CAB39: variants seen among roughly 807,000 people sequenced by gnomAD.
CAB39 encodes the protein calcium binding protein 39, also known as calcium-binding protein 39.
A neutral mutation model predicts 40.0 loss-of-function variants in CAB39; 8 were observed. The observed-to-expected ratio is 0.20, with a 90% CI of 0.12 to 0.36. CAB39 has a LOEUF of 0.36. Among genes scored for constraint, CAB39 ranks in the 10% least tolerant of loss-of-function variants. The pLI is 1.00. For missense variants in CAB39, 270 were observed against 401.1 expected (o/e 0.67, Z 2.79); for synonymous variants, 156 against 141.6 (o/e 1.10, Z -0.72).
chr2:230,735,083 CTTG>C (rs1043605072), intron 1 of CAB39, among the ~76,000 whole-genome samples: 20 of 152,238 alleles, frequency 1.3e-4, no homozygotes, highest in Admixed American at 5.2e-4. Context: ...CCCTTGAATT[CTTG>C]TTGTTTTCCT....
At chr2:230,808,886 T>C (rs1027193864) in intron 5 of CAB39, among the ~76,000 whole-genome samples, 7 of 152,250 alleles carry the variant, frequency 4.6e-5, no homozygotes, top group Non-Finnish European at 1.0e-4. Flanking sequence ...TTATTAAATA[T>C]TAAGCACTTA....
intron 1 of CAB39, among the ~76,000 whole-genome samples, chr2:230,721,393 T>C (rs1261659354): frequency 6.6e-6 from 1 of 152,192 alleles, no homozygotes; most frequent in African/African-American, 2.4e-5. Flanking sequence ...ATAGTGCCAC[T>C]GCGCTCCAGC....
chr2:230,793,835 A>G (rs1306654948), intron 4 of CAB39, among the ~76,000 whole-genome samples: 1 of 152,208 alleles, frequency 6.6e-6, no homozygotes, highest in Non-Finnish European at 1.5e-5. Context: ...TCCACTTACT[A>G]ATCCATATAA....
chr2:230,773,314 A>ATATGTGTGTGTGTGTG lies in CAB39; in HGVS notation c.114+13200_114+13201insATGTGTGTGTGTGTGT, dbSNP rs371297550. ...GGTGTATGTGTATATATATATATAT[A>ATATGTGTGTGTGTGTG]TGTGTGTGTGTGTGTGTGTGTGTGT... On this transcript the variant is annotated intron_variant, in intron 2 of 8. Coordinates refer to ENST00000258418, the MANE Select transcript of CAB39 (RefSeq NM_016289.4). Among the ~76,000 whole-genome samples the ATATGTGTGTGTGTGTG allele has an allele frequency of 1.5e-3, 196 of 132,676 alleles. 1 individual carries two copies. The highest frequency in any genetic ancestry group is 2.0e-3 in the African/African-American group (64 of 32,416). 87.0% of individuals were successfully genotyped at this position (132,676 alleles called of 152,430 possible).
At position 230,736,613 on chromosome 2, in the gene CAB39, A is replaced by C. The variant is rs1022760286; in HGVS notation, c.-43-23346A>C. ...AAAGCCAACCACTTAGGAGAAGCAT[A>C]ATTTTCTGTAATCGAGACCCTGTGG... is the stretch of plus-strand genomic sequence containing the variant. On this transcript the variant is annotated intron_variant, in intron 1 of 8. Coordinates refer to ENST00000258418, the MANE Select transcript of CAB39 (RefSeq NM_016289.4). Among the ~76,000 whole-genome samples, 19 of 152,308 alleles carry C rather than the reference A, an allele frequency of 1.2e-4. 1 individual carries two copies. In the South Asian group the frequency reaches 3.9e-3, roughly 32 times the overall value.
At chr2:230,752,287 A>G (rs902101379) in intron 1 of CAB39, 2 of 152,120 alleles carry the variant, frequency 1.3e-5, no homozygotes, top group Non-Finnish European at 2.9e-5. Flanking sequence ...AAATGTCCCA[A>G]TCATAGACAA....
intron 5 of CAB39, among the ~76,000 whole-genome samples, chr2:230,804,601 CTT>C (rs1384765159): frequency 1.3e-5 from 2 of 152,196 alleles, no homozygotes; most frequent in Non-Finnish European, 2.9e-5. Context: ...TGAACAGACA[CTT>C]TTCAAAAGAA....
chr2:230,818,602 GT>G lies in CAB39; in HGVS notation c.927del (p.Gln310ArgfsTer17). 6.2e-7 allele frequency: 1 copy of G among 1,614,166 alleles called. No homozygotes were observed. Among genetic ancestry groups the G allele is most frequent in the Non-Finnish European group, 8.5e-7 (1 of 1,180,000 alleles). ...QAKLIEFLSK[F>X]QNDRTEDEQF... Reference sequence around the variant, plus strand: ...CCAAACTCATAGAGTTCCTCAGCAAGTTTCAGAACGACAGGACGGAGGATGA... The same window carrying G: ...CCAAACTCATAGAGTTCCTCAGCAAGTTCAGAACGACAGGACGGAGGATGA... On this transcript the variant is annotated frameshift_variant, in exon 9 of 9. Coordinates refer to ENST00000258418, the MANE Select transcript of CAB39 (RefSeq NM_016289.4). LOFTEE classifies it high-confidence loss of function.
At chr2:230,812,516 C>A (rs1696323302) in intron 6 of CAB39, among the ~76,000 whole-genome samples, 1 of 152,168 alleles carries the variant, frequency 6.6e-6, no homozygotes. Flanking sequence ...AAAGATGCAG[C>A]AGAAAATCTT....
intron 1 of CAB39, among the ~76,000 whole-genome samples, chr2:230,733,652 G>T (rs546906054): frequency 6.6e-6 from 1 of 152,164 alleles, no homozygotes; most frequent in African/African-American, 2.4e-5. Flanking sequence ...GATTTTAAAT[G>T]GTTGTTACTG....
At chr2:230,758,677 A>G (rs1235428861) in intron 1 of CAB39, among the ~76,000 whole-genome samples, 2 of 152,180 alleles carry the variant, frequency 1.3e-5, no homozygotes, top group African/African-American at 2.4e-5. Flanking sequence ...TTGTGTTTAT[A>G]TAGAAGGGGA....
At chr2:230,805,715 T>C (rs887745032) in intron 5 of CAB39, among the ~76,000 whole-genome samples, 6 of 152,246 alleles carry the variant, frequency 3.9e-5, no homozygotes, top group African/African-American at 1.4e-4. Flanking sequence ...TGTTGTATAA[T>C]TCTACAAATC....
At chr2:230,722,611 C>T (rs1450713956) in intron 1 of CAB39, among the ~76,000 whole-genome samples, 1 of 152,174 alleles carries the variant, frequency 6.6e-6, no homozygotes, top group Admixed American at 6.5e-5. Context: ...TGTAACATAG[C>T]AATAATAGAA....
chr2:230,797,133 C>T (rs1360586342), intron 4 of CAB39, among the ~76,000 whole-genome samples: 1 of 152,114 alleles, frequency 6.6e-6, no homozygotes, highest in Non-Finnish European at 1.5e-5. Flanking sequence ...GAATCATTTC[C>T]AATTGTCCAG....
chr2:230,772,987 A>AAC, intron 2 of CAB39, among the ~76,000 whole-genome samples: 1 of 151,448 alleles, frequency 6.6e-6, no homozygotes, highest in African/African-American at 2.4e-5. Flanking sequence ...AGCAATAAAA[A>AAC]AAAAAAAAAA....
intron 2 of CAB39, among the ~76,000 whole-genome samples, chr2:230,766,668 A>G (rs1271162487): frequency 2.6e-5 from 4 of 152,192 alleles, no homozygotes; most frequent in African/African-American, 4.8e-5. Context: ...AGCTGGGACT[A>G]CAAGCATGTG....
chr2:230,715,040 G>T (rs549403337), intron 1 of CAB39, among the ~76,000 whole-genome samples: 1 of 152,206 alleles, frequency 6.6e-6, no homozygotes, highest in South Asian at 2.1e-4. Flanking sequence ...ACTTAGATTT[G>T]GTTACTGCTA....
At chr2:230,722,984 C>CTT (rs953497464) in intron 1 of CAB39, among the ~76,000 whole-genome samples, 5 of 152,074 alleles carry the variant, frequency 3.3e-5, no homozygotes, top group African/African-American at 1.2e-4. Context: ...AAAACTATTC[C>CTT]TTTTTAACTT....
Position 230,818,710 on chromosome 2 carries a change from A to AAT in CAB39, c.*8_*9dup. The AAT allele has an allele frequency of 6.2e-7, 1 of 1,603,878 alleles. No homozygotes were observed. Among genetic ancestry groups the AAT allele is most frequent in the Non-Finnish European group, 8.5e-7 (1 of 1,171,392 alleles). On this transcript the variant is annotated 3_prime_UTR_variant, in exon 9 of 9. Transcript: ENST00000258418. ...CAGCTCAGCAAGAAGCTTAATCTCC[A>AAT]ATAAACATCTATGTTAAATCCAAAT... is the stretch of plus-strand genomic sequence containing the variant.
Sources: gnomAD v4.1 joint callset for allele counts (sites outside exome capture counted in the v4.1 genomes callset) on GRCh38, gnomAD v4.1.1 for gene constraint, MANE v1.5 for transcripts, NCBI Gene and HGNC (gene_info 2026-07-23, HGNC 2026-07-21) for gene names.